ADGRF1: variants seen among roughly 807,000 people sequenced by gnomAD.
The protein encoded by ADGRF1 is adhesion G protein-coupled receptor F1, also known as G protein-coupled receptor 110.
ADGRF1 carries 85 observed loss-of-function variants against 87.2 expected under a neutral mutation model. That is an observed-to-expected ratio of 0.97 (90% CI 0.82 to 1.17). The LOEUF (loss-of-function observed/expected upper bound fraction) is 1.17, where lower values mean the gene tolerates loss of function less well. Among genes scored for constraint, ADGRF1 ranks in the 50% most tolerant of loss-of-function variants. ADGRF1 has a pLI of 0.00. For synonymous variants in ADGRF1, 430 were observed against 408.8 expected, an observed-to-expected ratio of 1.05 and a Z score of -0.63; for missense variants, 1,169 against 1,077.2, an observed-to-expected ratio of 1.09 and a Z score of -1.19.
In ADGRF1 at chr6:47,000,109, G is replaced by C. The variant is rs1306970197; in HGVS notation, c.*113C>G. The stretch of plus-strand genomic sequence containing the variant: ...CTGAGACATTCTTGTTTTATTCCCA[G>C]ACCCCTAAATCAGAAAACCCGATCG... On this transcript the variant is annotated 3_prime_UTR_variant, in exon 15 of 15. Transcript: ENST00000371253. 1.4e-6 allele frequency: 1 copy of C among 725,710 alleles called. No homozygotes were observed. Among genetic ancestry groups the C allele is most frequent in the African/African-American group, 1.7e-5 (1 of 57,230 alleles). 45.0% of individuals were successfully genotyped at this position (725,710 alleles called of 1,614,324 possible).
chr6:46,998,846 C>T lies in ADGRF1; in HGVS notation c.*1376G>A, dbSNP rs1779280916. The stretch of plus-strand genomic sequence containing the variant: ...CATCTAACTGATCCTCAGTCATTTC[C>T]TTTGAACCTCTCACTTTCATATTTC... On this transcript the variant is annotated 3_prime_UTR_variant, in exon 15 of 15. Transcript: ENST00000371253. The T allele has an allele frequency of 1.3e-5, 2 of 152,216 alleles. No individual in the cohort carries two copies. The highest frequency in any genetic ancestry group is 4.8e-5 in the African/African-American group (2 of 41,440). 9.4% of individuals were successfully genotyped at this position (152,216 alleles called of 1,614,324 possible). A position where few individuals can be genotyped will look rare whatever the true frequency, so the allele number is the denominator to read the frequency against.
At chr6:47,016,352 C>T (rs527391198) in intron 8 of ADGRF1, among the ~76,000 whole-genome samples, 2 of 152,290 alleles carry the variant, frequency 1.3e-5, no homozygotes, top group East Asian at 3.9e-4. Flanking sequence ...GAGCCCTTTC[C>T]ATCACAGCCT....
intron 1 of ADGRF1, among the ~76,000 whole-genome samples, chr6:47,040,299 T>C (rs1780699722): frequency 6.6e-6 from 1 of 151,908 alleles, no homozygotes; most frequent in Admixed American, 6.6e-5. Context: ...AATGAAACCC[T>C]GTCTCTAATA....
At position 47,009,207 on chromosome 6, in the gene ADGRF1, G is replaced by A; in HGVS notation, c.2228C>T (p.Pro743Leu). Residue 743 changes from proline to leucine, a missense_variant, in exon 11 of 15, where the codon CCA (proline) becomes CTA (leucine). By Grantham distance (98) the Pro-to-Leu change is moderately conservative (BLOSUM62 -3). Transcript: ENST00000371253. The stretch of plus-strand genomic sequence containing the variant: ...TGCAGGGACAACAAAAGCCAGGAGT[G>A]GTTTGCTTCCATTGGACCAGTTAAG... ...CWLNWSNGSK[P>L]LLAFVVPALA... The A allele has an allele frequency of 6.2e-7, 1 of 1,614,158 alleles. No homozygotes were observed. Among genetic ancestry groups the A allele is most frequent in the East Asian group, 2.2e-5 (1 of 44,870 alleles).
Position 47,009,452 on chromosome 6 carries a change from C to T in ADGRF1, c.1983G>A (p.Val661=), listed in dbSNP as rs372272153. 3.1e-6 allele frequency: 5 copies of T among 1,613,870 alleles called. No individual in the cohort carries two copies. The highest frequency in any genetic ancestry group is 4.2e-6 in the Non-Finnish European group (5 of 1,179,918). Residue 661 remains valine (V), a synonymous_variant, in exon 11 of 15, where the codon GTG becomes GTA. Coordinates refer to ENST00000371253, the MANE Select transcript of ADGRF1 (RefSeq NM_153840.4). ...VNPSGVCTAA[V]FFTHFFYLSL... ...AGAGGTAGAAGAAGTGTGTAAAGAA[C>T]ACAGCAGCTGTGCAGACTCCAGAAG...
In ADGRF1 at chr6:47,028,997, A is replaced by C. The variant is rs199698513; in HGVS notation, c.65T>G (p.Leu22Arg). 1 of 1,613,886 alleles carries C rather than the reference A, an allele frequency of 6.2e-7. No homozygotes were observed. Among genetic ancestry groups the C allele is most frequent in the African/African-American group, 1.3e-5 (1 of 75,058 alleles). The change falls in exon 2 of 15, where the codon CTG becomes CGG. Residue 22 changes from leucine (L) to arginine (R), a missense_variant. By Grantham distance (102) the Leu-to-Arg change is moderately radical. Coordinates refer to ENST00000371253, the MANE Select transcript of ADGRF1 (RefSeq NM_153840.4). ...FTFTDGHGGF[L>R]GKNDGIKTKK... The stretch of plus-strand genomic sequence containing the variant: ...TGAGACATAGCACCAACTCACCCCC[A>C]GGAAGCCACCGTGGCCGTCAGTGAA...
chr6:47,016,852 TG>T, intron 7 of ADGRF1, 84 bp from the exon 8 acceptor site: 2 of 1,434,588 alleles, frequency 1.4e-6, no homozygotes, highest in Non-Finnish European at 1.8e-6. Flanking sequence ...GTACATGCCA[TG>T]GGGTCCATAG....
rs2277116 is a variant in ADGRF1 at position 46,998,285 on chromosome 6, C to T, written c.*1937G>A. 0.093 allele frequency: 14,128 copies of T among 152,204 alleles called. 1,003 individuals carry two copies. The highest frequency in any genetic ancestry group is 0.18 in the African/African-American group (7,651 of 41,492). The allele number at this position is 152,204 out of a possible 1,614,324, so 9.4% of individuals were successfully genotyped here. ...ATAGAAATTCTCATAGCCCTGACTT[C>T]TCATCTTTAGCTTGTGTAGATTTTT... On this transcript the variant is annotated 3_prime_UTR_variant, in exon 15 of 15. Coordinates refer to ENST00000371253, the MANE Select transcript of ADGRF1 (RefSeq NM_153840.4).
rs967865221 is a variant in ADGRF1, at chr6:47,010,148, A to T, written c.1287T>A (p.Ile429=). The T allele has an allele frequency of 6.2e-6, 10 of 1,614,186 alleles. No homozygotes were observed. The highest frequency in any genetic ancestry group is 7.6e-6 in the Non-Finnish European group (9 of 1,180,028). ...ALPLNFSRKF[I]DWKGIPVNKS... The stretch of plus-strand genomic sequence containing the variant: ...TGTTCACTGGAATCCCTTTCCAGTC[A>T]ATGAATTTCCGAGAAAAATTCAGAG... The change falls in exon 11 of 15, where the codon ATT becomes ATA. Residue 429 remains isoleucine, a synonymous_variant. Transcript: ENST00000371253.
intron 7 of ADGRF1, chr6:47,020,494 C>T: frequency 5.5e-6 from 8 of 1,454,622 alleles, no homozygotes; most frequent in African/African-American, 1.5e-5. Flanking sequence ...ACAAGAGTGA[C>T]ATTCTGTCAA....
intron 2 of ADGRF1, among the ~76,000 whole-genome samples, chr6:47,028,461 G>A (rs1015560030): frequency 2.0e-5 from 3 of 152,292 alleles, no homozygotes; most frequent in African/African-American, 7.2e-5. Context: ...GATTGGGTTC[G>A]ATTTTGAACA....
At position 47,026,026 on chromosome 6, in the gene ADGRF1, A is replaced by G. The variant is rs1780221969; in HGVS notation, c.128-23T>C. 1.9e-6 allele frequency: 3 copies of G among 1,546,628 alleles called. 1 individual carries two copies. The South Asian group carries it at 3.6e-5, about 18-fold the overall frequency. On this transcript the variant is annotated intron_variant, in intron 3 of 14. Coordinates refer to ENST00000371253, the MANE Select transcript of ADGRF1 (RefSeq NM_153840.4). The stretch of plus-strand genomic sequence containing the variant: ...GGCCTAAAGAGAGAAAGAGAGTCAG[A>G]AACCTTTTTTTCTGTCCTTGGGGAA...
At chr6:47,039,217 G>T (rs73736344) in intron 1 of ADGRF1, among the ~76,000 whole-genome samples, 7,151 of 152,242 alleles carry the variant, frequency 0.047, 394 homozygotes, top group African/African-American at 0.13. Context: ...ACTGACATTT[G>T]CACTAAAACC....
intron 12 of ADGRF1, among the ~76,000 whole-genome samples, chr6:47,006,940 T>C (rs1023609042): frequency 6.6e-6 from 1 of 152,224 alleles, no homozygotes; most frequent in Non-Finnish European, 1.5e-5. Context: ...AATTCACCTG[T>C]TAGCAAAGCA....
rs543189655 is a variant in ADGRF1, at chr6:47,015,702, C to T, written c.764-858G>A. ...TCCTGGGTTCAAGTGATTCCCCTGC[C>T]TTGGCCTCTCGAGTAGCTGGGATTA... On this transcript the variant is annotated intron_variant, in intron 8 of 14. Coordinates refer to ENST00000371253, the MANE Select transcript of ADGRF1 (RefSeq NM_153840.4). Among the ~76,000 whole-genome samples, 106 of 152,166 alleles carry T rather than the reference C, an allele frequency of 7.0e-4. 1 individual carries two copies. Among genetic ancestry groups the T allele is most frequent in the Admixed American group, 2.4e-3 (37 of 15,288 alleles).
chr6:47,000,611 A>G (rs918421354), intron 14 of ADGRF1, among the ~76,000 whole-genome samples: 11 of 152,202 alleles, frequency 7.2e-5, no homozygotes, highest in African/African-American at 2.7e-4. Flanking sequence ...TTTTTATTTT[A>G]TAGATGAGGA....
chr6:47,029,122 C>A lies in ADGRF1; in HGVS notation c.-43-18G>T. 7.2e-7 allele frequency: 1 copy of A among 1,389,804 alleles called. No homozygotes were observed. 86.1% of individuals were successfully genotyped at this position (1,389,804 alleles called of 1,614,324 possible). A position where few individuals can be genotyped will look rare whatever the true frequency, so the allele number is the denominator to read the frequency against. ...GTCTGTGACTAAACAAGCAGGGTAC[C>A]AGGTAAGGTAGAGGCACAAAAACAA... On this transcript the variant is annotated intron_variant, in intron 1 of 14. Coordinates refer to ENST00000371253, the MANE Select transcript of ADGRF1 (RefSeq NM_153840.4).
intron 1 of ADGRF1, among the ~76,000 whole-genome samples, chr6:47,032,012 A>G (rs1421711908): frequency 2.6e-5 from 4 of 152,116 alleles, no homozygotes; most frequent in Admixed American, 6.6e-5. Flanking sequence ...AGGGCAGCCC[A>G]TGTGTATTAT....
At chr6:47,018,356 T>C (rs1561872588) in intron 7 of ADGRF1, 2 of 1,240,924 alleles carry the variant, frequency 1.6e-6, no homozygotes, top group Non-Finnish European at 1.0e-6. Context: ...AGAAGTTGGG[T>C]GAAAAAATTA....
Sources: gnomAD v4.1 joint callset for allele counts (sites outside exome capture counted in the v4.1 genomes callset) on GRCh38, gnomAD v4.1.1 for gene constraint, MANE v1.5 for transcripts, NCBI Gene and HGNC (gene_info 2026-07-23, HGNC 2026-07-21) for gene names.